OTOG: variants seen among roughly 807,000 people sequenced by gnomAD.
The protein encoded by OTOG is otogelin.
A neutral mutation model predicts 313.8 loss-of-function variants in OTOG; 296 were observed. The ratio of observed to expected loss-of-function variants is 0.94; its 90% CI spans 0.86 to 1.04. OTOG has a LOEUF of 1.04. OTOG is among the 50% of genes least tolerant of loss of function. The pLI, the probability that OTOG is intolerant of heterozygous loss-of-function variation, is 0.00. For missense variants in OTOG, 3,948 were observed against 3,840.1 expected (o/e 1.03, Z -0.74); for synonymous variants, 1,533 against 1,554.9 (o/e 0.99, Z 0.33).
chr11:17,635,861 T>C, intron 47 of OTOG, 150 bp downstream of exon 47: 1 of 670,066 alleles, frequency 1.5e-6, no homozygotes. Context: ...CCAGGACGAG[T>C]GCAGGCCCAC....
At chr11:17,586,369 A>G (rs1183964651) in intron 23 of OTOG, 105 bp from the exon 24 acceptor site, 1 of 556,834 alleles carries the variant, frequency 1.8e-6, no homozygotes, top group Admixed American at 4.4e-5. Context: ...TCTAGGGTAA[A>G]TGCTGGGAGC....
At chr11:17,552,216 T>C (rs1851952113) in intron 4 of OTOG, 141 bp downstream of exon 4, 2 of 817,914 alleles carry the variant, frequency 2.4e-6, no homozygotes, top group Non-Finnish European at 4.0e-6. Context: ...CCACCCACTC[T>C]GGCCCCGGCC....
chr11:17,587,880 C>T (rs1458956775), intron 24 of OTOG, among the ~76,000 whole-genome samples: 1 of 152,100 alleles, frequency 6.6e-6, no homozygotes, highest in Admixed American at 6.6e-5. Flanking sequence ...CCTGGATTTG[C>T]CCAGGGGTGC....
At chr11:17,612,507 C>T (rs561935217) in intron 37 of OTOG, 113 bp from the exon 38 acceptor site, 4 of 1,419,136 alleles carry the variant, frequency 2.8e-6, no homozygotes, top group Admixed American at 2.4e-5. Flanking sequence ...CCCTCCAGAC[C>T]CCAGGCCTCT....
At position 17,548,118 on chromosome 11, in the gene OTOG, C is replaced by A. The variant is rs1329856622; in HGVS notation, c.156-34C>A. 2.6e-6 allele frequency: 4 copies of A among 1,536,466 alleles called. No homozygotes were observed. The East Asian group carries it at 7.4e-5, about 28-fold the overall frequency. On this transcript the variant is annotated intron_variant, in intron 2 of 55. Transcript: ENST00000399397. ...TGCGGGGAGGCATAACCCATCCTAG[C>A]CCCCCATCCATGCCAGACTCGTGTT...
rs1311580722 is a variant in OTOG, at chr11:17,548,155, C to T, written c.159C>T (p.Ser53=). Reference sequence around the variant, plus strand: ...GCCAGACTCGTGTTTCCTCCAGCAGCAGCCACCAGGAGGCGACCCTTGCCA... The same window carrying T: ...GCCAGACTCGTGTTTCCTCCAGCAGTAGCCACCAGGAGGCGACCCTTGCCA... ...PQPEPAGQPS[S]SHQEATLAMG... is the part of the protein sequence containing the mutation. The change falls in exon 3 of 56, where the codon AGC becomes AGT. Residue 53 remains serine, a synonymous_variant. Transcript: ENST00000399397. 9 of 1,546,996 alleles carry T rather than the reference C, an allele frequency of 5.8e-6. No individual in the cohort carries two copies. Among genetic ancestry groups the T allele is most frequent in the Non-Finnish European group, 7.9e-6 (9 of 1,144,896 alleles).
intron 47 of OTOG, among the ~76,000 whole-genome samples, chr11:17,636,637 T>C (rs1854272723): frequency 6.6e-6 from 1 of 152,200 alleles, no homozygotes; most frequent in African/African-American, 2.4e-5. Flanking sequence ...TTTGCAAGAC[T>C]GATGTGAGGA....
chr11:17,609,905 G>A lies in OTOG; in HGVS notation c.4605G>A (p.Glu1535=). The A allele has an allele frequency of 6.6e-7, 1 of 1,521,418 alleles. No homozygotes were observed. The highest frequency in any genetic ancestry group is 1.3e-5 in the South Asian group (1 of 78,504). The allele number at this position is 1,521,418 out of a possible 1,614,324, so 94.2% of individuals were successfully genotyped here. Residue 1535 remains glutamate, a synonymous_variant, in exon 36 of 56, where the codon GAG becomes GAA. Transcript: ENST00000399397. Reference sequence around the variant, plus strand: ...AGACCACCCTGCAGCAGCCACTGGAGCTCACTGCATCTCAACTCCCCGCCG... The same window carrying A: ...AGACCACCCTGCAGCAGCCACTGGAACTCACTGCATCTCAACTCCCCGCCG... ...PTQTTLQQPL[E]LTASQLPAGP...
At chr11:17,566,079 T>C (rs1852287686) in intron 15 of OTOG, among the ~76,000 whole-genome samples, 1 of 152,178 alleles carries the variant, frequency 6.6e-6, no homozygotes, top group Non-Finnish European at 1.5e-5. Context: ...GGAAATACCC[T>C]TATTATCTGT....
Position 17,642,202 on chromosome 11 carries a change from T to C in OTOG, c.8371T>C (p.Ser2791Pro), listed in dbSNP as rs1157070592. The change falls in exon 53 of 56, where the codon TCT (serine) becomes CCT (proline). Residue 2791 changes from serine (S) to proline (P), a missense_variant. Ser to Pro is a moderately conservative substitution (Grantham distance 74). Transcript: ENST00000399397. Reference sequence around the variant, plus strand: ...GCCCCTGGGTGCCGTGCTGGTCCGCTCTCCCATAAGCTGCCCACCGCTCAA... The same window carrying C: ...GCCCCTGGGTGCCGTGCTGGTCCGCCCTCCCATAAGCTGCCCACCGCTCAA... ...STPLGAVLVR[S>P]PISCPPLNET... 1 of 1,550,166 alleles carries C rather than the reference T, an allele frequency of 6.5e-7. No individual in the cohort carries two copies.
Position 17,634,133 on chromosome 11 carries a change from C to G in OTOG, c.7332C>G (p.Gly2444=). 1.3e-6 allele frequency: 2 copies of G among 1,549,514 alleles called. No homozygotes were observed. Among genetic ancestry groups the G allele is most frequent in the South Asian group, 2.4e-5 (2 of 84,012 alleles). The change falls in exon 44 of 56, where the codon GGC becomes GGG. Residue 2444 remains glycine (G), a synonymous_variant. Coordinates refer to ENST00000399397, the MANE Select transcript of OTOG (RefSeq NM_001292063.2). ...LGETWNSSLS[G]CCQHQCQAPD... ...AGACCTGGAACAGCTCCCTCAGCGG[C>G]TGCTGCCAGCACCAGTGCCAAGCCC...
Position 17,613,688 on chromosome 11 carries a change from G to T in OTOG, c.6515G>T (p.Arg2172Leu), listed in dbSNP as rs555068328. Residue 2172 changes from arginine to leucine, a missense_variant, in exon 39 of 56, where the codon CGC becomes CTC. Arg to Leu is a moderately radical substitution (Grantham distance 102, BLOSUM62 -2). Coordinates refer to ENST00000399397, the MANE Select transcript of OTOG (RefSeq NM_001292063.2). Reference protein sequence around the residue: ...THLAHQVTIDRFNRKVTVDLQ... With the variant: ...THLAHQVTIDLFNRKVTVDLQ... The stretch of plus-strand genomic sequence containing the variant: ...TTGGCCCATCAGGTCACTATTGATC[G>T]CTTCAACCGAAAGGTGAGTGCATCA... 4.5e-6 allele frequency: 7 copies of T among 1,550,548 alleles called. No individual in the cohort carries two copies. Among genetic ancestry groups the T allele is most frequent in the Non-Finnish European group, 6.1e-6 (7 of 1,146,942 alleles).
chr11:17,635,589 A>T (rs1358824625), intron 46 of OTOG, 21 bp from the exon 47 acceptor site: 2 of 1,539,490 alleles, frequency 1.3e-6, no homozygotes, highest in Non-Finnish European at 1.8e-6. Context: ...CTGTGACAGC[A>T]TTGACCCTCT....
intron 24 of OTOG, among the ~76,000 whole-genome samples, chr11:17,588,438 C>T (rs1256886971): frequency 6.6e-6 from 1 of 152,082 alleles, no homozygotes; most frequent in African/African-American, 2.4e-5. Context: ...GCAGCATGGT[C>T]GGCAGCATGG....
chr11:17,638,255 A>G (rs934501536), intron 47 of OTOG, among the ~76,000 whole-genome samples, 196 bp from the exon 48 acceptor site: 1 of 152,210 alleles, frequency 6.6e-6, no homozygotes, highest in Admixed American at 6.5e-5. Flanking sequence ...AGTGCCTCAC[A>G]GACACAGCAC....
chr11:17,605,364 C>A (rs903867665), intron 32 of OTOG, among the ~76,000 whole-genome samples: 1 of 152,180 alleles, frequency 6.6e-6, no homozygotes, highest in Admixed American at 6.5e-5. Flanking sequence ...AATGCTGGCC[C>A]TGTGGAATTC....
In OTOG at chr11:17,594,108, C is replaced by T. The variant is rs7936354; in HGVS notation, c.3350C>T (p.Pro1117Leu). The change falls in exon 28 of 56, where the codon CCG (proline) becomes CTG (leucine). Residue 1117 changes from proline to leucine, a missense_variant. Pro to Leu is a moderately conservative substitution (Grantham distance 98). Transcript: ENST00000399397. Reference sequence around the variant, plus strand: ...AAAACCATCAATGAGATGAGGACCCCGGAGAACCTAGAGCTAACTAACCCC... The same window carrying T: ...AAAACCATCAATGAGATGAGGACCCTGGAGAACCTAGAGCTAACTAACCCC... Reference protein sequence around the residue: ...DLKTINEMRTPENLELTNPQE... With the variant: ...DLKTINEMRTLENLELTNPQE... 7.6e-3 allele frequency: 11,743 copies of T among 1,550,440 alleles called. 736 individuals are homozygous for T. In the African/African-American group the frequency reaches 0.14, roughly 18 times the overall value.
intron 29 of OTOG, 74 bp downstream of exon 29, chr11:17,596,228 C>T: frequency 9.3e-7 from 1 of 1,075,904 alleles, no homozygotes; most frequent in Admixed American, 2.0e-5. Context: ...CTCTCAGACT[C>T]CCCCATGTCT....
intron 11 of OTOG, 136 bp from the exon 12 acceptor site, chr11:17,559,398 A>T: frequency 1.6e-6 from 2 of 1,239,328 alleles, no homozygotes; most frequent in East Asian, 2.6e-5. Flanking sequence ...TGGGCACCCA[A>T]TGCTCCCTCT....
Sources: allele counts gnomAD v4.1 joint callset (sites outside exome capture counted in the v4.1 genomes callset), GRCh38; gene constraint gnomAD v4.1.1; transcripts MANE v1.5; gene names NCBI Gene and HGNC (gene_info 2026-07-23, HGNC 2026-07-21).